SQOR: variants seen among roughly 807,000 people sequenced by gnomAD.
SQOR encodes sulfide:quinone oxidoreductase, mitochondrial.
SQOR carries 39 observed loss-of-function variants against 48.6 expected under a neutral mutation model. The observed-to-expected ratio is 0.80, with a 90% CI of 0.62 to 1.05. The LOEUF (loss-of-function observed/expected upper bound fraction) is 1.05, where lower values mean the gene tolerates loss of function less well. Ranked by LOEUF, SQOR falls within the 50% of genes least tolerant of loss-of-function variation. SQOR has a pLI of 0.00. For missense variants in SQOR, 561 were observed against 559.9 expected (o/e 1.00, Z -0.02); for synonymous variants, 220 against 206.2 (o/e 1.07, Z -0.57).
chr15:45,670,642 A>T (rs931974492), intron 4 of SQOR, among the ~76,000 whole-genome samples: 1 of 152,256 alleles, frequency 6.6e-6, no homozygotes, highest in East Asian at 1.9e-4. Flanking sequence ...TACAGGAAAC[A>T]TCTGTGCTAA....
chr15:45,684,940 A>C (rs1342358105), intron 7 of SQOR, among the ~76,000 whole-genome samples: 3 of 152,198 alleles, frequency 2.0e-5, no homozygotes, highest in Non-Finnish European at 4.4e-5. Context: ...TTTGTGTCTT[A>C]CAATCTGCAA....
chr15:45,666,224 C>G (rs1292148492), intron 3 of SQOR, among the ~76,000 whole-genome samples: 2 of 152,200 alleles, frequency 1.3e-5, no homozygotes, highest in Non-Finnish European at 2.9e-5. Flanking sequence ...TTCAGGCAAG[C>G]CTTCCTTGAC....
intron 1 of SQOR, among the ~76,000 whole-genome samples, chr15:45,641,363 G>T (rs1239213623): frequency 6.6e-6 from 1 of 152,108 alleles, no homozygotes; most frequent in East Asian, 1.9e-4. Context: ...CTACAGTTTT[G>T]CCCCTGAAGA....
chr15:45,669,336 G>A (rs1351543405), intron 3 of SQOR, among the ~76,000 whole-genome samples: 1 of 151,758 alleles, frequency 6.6e-6, no homozygotes, highest in African/African-American at 2.4e-5. Context: ...GGTAATTTTT[G>A]TATTTTTTGC....
chr15:45,659,214 G>A (rs1386812108), intron 2 of SQOR, 57 bp downstream of exon 2: 15 of 994,768 alleles, frequency 1.5e-5, no homozygotes, highest in Non-Finnish European at 1.9e-5. Context: ...GTGTGTGAGT[G>A]TGTGTGTGTG....
intron 1 of SQOR, among the ~76,000 whole-genome samples, chr15:45,636,341 TAAAC>T (rs1486951794): frequency 2.6e-5 from 4 of 151,634 alleles, no homozygotes; most frequent in Admixed American, 1.3e-4. Context: ...GTAAAGAACA[TAAAC>T]AATTATTTCA....
chr15:45,650,476 G>A (rs943727580), intron 1 of SQOR, among the ~76,000 whole-genome samples: 5 of 152,160 alleles, frequency 3.3e-5, no homozygotes, highest in Non-Finnish European at 7.3e-5. Context: ...GCACATAAGG[G>A]TAATGCCAGT....
intron 2 of SQOR, among the ~76,000 whole-genome samples, chr15:45,659,712 T>C (rs911255471): frequency 6.6e-6 from 1 of 152,210 alleles, no homozygotes; most frequent in Non-Finnish European, 1.5e-5. Context: ...AAAGCCACCA[T>C]TCATTGGATT....
chr15:45,664,889 C>T (rs1413562736), intron 3 of SQOR, among the ~76,000 whole-genome samples: 3 of 152,126 alleles, frequency 2.0e-5, no homozygotes, highest in Non-Finnish European at 4.4e-5. Context: ...TCAGAACTTT[C>T]TTATTTTTCT....
At chr15:45,659,335 A>T (rs1889679163) in intron 2 of SQOR, among the ~76,000 whole-genome samples, 178 bp downstream of exon 2, 1 of 152,108 alleles carries the variant, frequency 6.6e-6, no homozygotes, top group African/African-American at 2.4e-5. Flanking sequence ...GAGGAAGTGG[A>T]GGGAAAGAGA....
At chr15:45,640,433 A>G (rs1280243561) in intron 1 of SQOR, among the ~76,000 whole-genome samples, 2 of 152,104 alleles carry the variant, frequency 1.3e-5, no homozygotes. Context: ...TTGACTCTTG[A>G]TATGCCCTCA....
intron 1 of SQOR, among the ~76,000 whole-genome samples, chr15:45,650,317 G>C (rs1889452239): frequency 6.6e-6 from 1 of 152,168 alleles, no homozygotes; most frequent in Non-Finnish European, 1.5e-5. Flanking sequence ...GGACCCTCGT[G>C]GGGAGTGTTA....
intron 3 of SQOR, 85 bp from the exon 4 acceptor site, chr15:45,669,843 A>G (rs11638918): frequency 0.058 from 67,610 of 1,164,182 alleles, 2,289 homozygotes; most frequent in Middle Eastern, 0.1. Flanking sequence ...CTTAGACCAC[A>G]TGGAACCACA....
chr15:45,656,896 C>T (rs1889621259), intron 1 of SQOR, among the ~76,000 whole-genome samples: 1 of 152,040 alleles, frequency 6.6e-6, no homozygotes, highest in Admixed American at 6.6e-5. Flanking sequence ...CCTCTGCCTC[C>T]TGGGTTCAAG....
At chr15:45,663,664 G>T (rs1437413912) in intron 3 of SQOR, among the ~76,000 whole-genome samples, 2 of 152,152 alleles carry the variant, frequency 1.3e-5, no homozygotes, top group Non-Finnish European at 2.9e-5. Context: ...CTACTTGGGA[G>T]GCTAAGGTGG....
chr15:45,635,484 C>T (rs1398792342), intron 1 of SQOR, among the ~76,000 whole-genome samples: 5 of 152,132 alleles, frequency 3.3e-5, no homozygotes, highest in African/African-American at 9.7e-5. Context: ...AGTGGGTGCT[C>T]GGCGTCCGGG....
chr15:45,685,403 T>C (rs910738976), intron 7 of SQOR, among the ~76,000 whole-genome samples: 1 of 152,220 alleles, frequency 6.6e-6, no homozygotes, highest in Non-Finnish European at 1.5e-5. Flanking sequence ...CTTGCCATGT[T>C]GAGTCTGGCT....
At chr15:45,672,109 A>G (rs1889955612) in intron 4 of SQOR, among the ~76,000 whole-genome samples, 2 of 152,176 alleles carry the variant, frequency 1.3e-5, no homozygotes, top group East Asian at 1.9e-4. Context: ...TGAAGGTGAT[A>G]AGACATCAAC....
chr15:45,656,326 G>C (rs1006749272), intron 1 of SQOR, among the ~76,000 whole-genome samples: 4 of 151,902 alleles, frequency 2.6e-5, no homozygotes, highest in African/African-American at 9.7e-5. Flanking sequence ...TTTGAGACAG[G>C]GTCTCCCTCT....
Sources: allele counts gnomAD v4.1 joint callset (sites outside exome capture counted in the v4.1 genomes callset), GRCh38; gene constraint gnomAD v4.1.1; transcripts MANE v1.5; gene names NCBI Gene and HGNC (gene_info 2026-07-23, HGNC 2026-07-21).